The following RYR2 variants were observed in gnomAD, a reference collection of about 807,000 sequenced individuals.
RYR2 encodes the protein ryanodine receptor 2.
RYR2 carries 227 observed loss-of-function variants against 601.1 expected under a neutral mutation model. The observed-to-expected ratio is 0.38, with a 90% CI of 0.34 to 0.42. The LOEUF is 0.42. RYR2 is among the 10% of genes least tolerant of loss of function. The pLI is 1.00. For synonymous variants in RYR2, 2,223 were observed against 2,175.1 expected (o/e 1.02, Z -0.61); for missense variants, 4,646 against 6,156.5 (o/e 0.75, Z 8.21).
chr1:237,427,964 A>G (rs958023726), intron 12 of RYR2, among the ~76,000 whole-genome samples: 4 of 152,150 alleles, frequency 2.6e-5, no homozygotes, highest in Non-Finnish European at 5.9e-5. Flanking sequence ...ACACTTTTCA[A>G]AAGAAGATAT....
In RYR2 at chr1:237,450,817, G is replaced by A. The variant is rs189066368; in HGVS notation, c.1293-3574G>A. On this transcript the variant is annotated intron_variant, in intron 14 of 104. Transcript: ENST00000366574. ...TCTCTCCCTTGTGATCACCTGAGAA[G>A]TGCCATGGATAAACACAATTAACCT... Among the ~76,000 whole-genome samples the A allele has an allele frequency of 8.2e-4, 125 of 152,256 alleles. 1 individual carries two copies. Among genetic ancestry groups the A allele is most frequent in the African/African-American group, 2.7e-3 (112 of 41,560 alleles).
At chr1:237,469,522 A>T (rs1660479226) in intron 17 of RYR2, among the ~76,000 whole-genome samples, 1 of 152,168 alleles carries the variant, frequency 6.6e-6, no homozygotes, top group African/African-American at 2.4e-5. Context: ...AAAAATCATT[A>T]GTATTTTCAT....
chr1:237,050,666 T>C (rs991729281), intron 1 of RYR2, among the ~76,000 whole-genome samples: 2 of 152,226 alleles, frequency 1.3e-5, no homozygotes, highest in Non-Finnish European at 2.9e-5. Context: ...ATTTCACTCA[T>C]ATTTAATGCA....
chr1:237,457,914 C>T (rs1659028410), intron 16 of RYR2, among the ~76,000 whole-genome samples: 1 of 152,144 alleles, frequency 6.6e-6, no homozygotes, highest in African/African-American at 2.4e-5. Context: ...CTATATCATT[C>T]TAGAAGATAA....
intron 62 of RYR2, among the ~76,000 whole-genome samples, chr1:237,681,149 C>T (rs1685844423): frequency 6.6e-6 from 1 of 152,150 alleles, no homozygotes; most frequent in African/African-American, 2.4e-5. Context: ...CAAACTTCTG[C>T]TAGAATTTAA....
intron 29 of RYR2, among the ~76,000 whole-genome samples, chr1:237,578,323 G>C (rs1268319761): frequency 6.6e-6 from 1 of 152,166 alleles, no homozygotes; most frequent in Non-Finnish European, 1.5e-5. Flanking sequence ...CTCAGGTACA[G>C]GTCATAGTAG....
At chr1:237,299,576 A>T (rs1010809653) in intron 2 of RYR2, among the ~76,000 whole-genome samples, 1 of 152,126 alleles carries the variant, frequency 6.6e-6, no homozygotes, top group African/African-American at 2.4e-5. Flanking sequence ...TGCTTTTCCC[A>T]CATCCATTAG....
chr1:237,826,416 C>G (rs927537379), intron 101 of RYR2, among the ~76,000 whole-genome samples: 2 of 152,126 alleles, frequency 1.3e-5, no homozygotes, highest in African/African-American at 4.8e-5. Context: ...AACACAAGAA[C>G]AGAAAACCAA....
intron 43 of RYR2, 112 bp downstream of exon 43, chr1:237,633,822 AAAG>A: frequency 9.4e-7 from 1 of 1,058,388 alleles, no homozygotes; most frequent in Non-Finnish European, 1.3e-6. Flanking sequence ...ACATTTCACA[AAAG>A]AAGACAGATA....
chr1:237,178,455 TG>T (rs2148939261), intron 1 of RYR2, among the ~76,000 whole-genome samples: 1 of 149,160 alleles, frequency 6.7e-6, no homozygotes, highest in South Asian at 2.1e-4. Context: ...TGTGTGTGTG[TG>T]TGTGTGTGTG....
At chr1:237,077,781 A>G (rs1665166018) in intron 1 of RYR2, among the ~76,000 whole-genome samples, 1 of 152,254 alleles carries the variant, frequency 6.6e-6, no homozygotes, top group African/African-American at 2.4e-5. Context: ...CGGACCTAAT[A>G]GACATCTACA....
At chr1:237,205,449 C>T (rs1681704349) in intron 1 of RYR2, among the ~76,000 whole-genome samples, 2 of 152,140 alleles carry the variant, frequency 1.3e-5, no homozygotes, top group Non-Finnish European at 2.9e-5. Flanking sequence ...ATATGGATGC[C>T]ATGGGGGATC....
intron 63 of RYR2, among the ~76,000 whole-genome samples, chr1:237,698,286 C>A (rs535447573): frequency 6.6e-6 from 1 of 152,146 alleles, no homozygotes; most frequent in African/African-American, 2.4e-5. Context: ...ACTCATATTT[C>A]TGTACTTCCT....
At chr1:237,044,740 C>G (rs545484691) in intron 1 of RYR2, among the ~76,000 whole-genome samples, 2 of 151,652 alleles carry the variant, frequency 1.3e-5, no homozygotes, top group East Asian at 1.9e-4. Context: ...AATCCTTTAC[C>G]GGCTTCTCCA....
At chr1:237,669,697 C>A (rs546137146) in intron 58 of RYR2, among the ~76,000 whole-genome samples, 26 of 150,346 alleles carry the variant, frequency 1.7e-4, no homozygotes, top group Non-Finnish European at 3.1e-4. Flanking sequence ...GATGGGCGGC[C>A]GGGCAGAGAC....
intron 36 of RYR2, among the ~76,000 whole-genome samples, chr1:237,613,100 A>C (rs1678065282): frequency 6.6e-6 from 1 of 152,260 alleles, no homozygotes; most frequent in African/African-American, 2.4e-5. Flanking sequence ...TTCAAAATCC[A>C]AATTCCAAAA....
intron 33 of RYR2, among the ~76,000 whole-genome samples, chr1:237,594,010 G>A (rs1314764622): frequency 6.6e-6 from 1 of 152,206 alleles, no homozygotes; most frequent in Non-Finnish European, 1.5e-5. Context: ...ATGTGGTGGG[G>A]AGAAAACTGT....
At chr1:237,677,435 T>A (rs1020267003) in intron 60 of RYR2, among the ~76,000 whole-genome samples, 2 of 152,186 alleles carry the variant, frequency 1.3e-5, no homozygotes, top group African/African-American at 4.8e-5. Flanking sequence ...CTTGGGTGTT[T>A]TTGCTTCACT....
rs141873907 is a variant in RYR2, at chr1:237,500,669, TA to T, written c.2204-35del. ...TGGCTCTGAAGCTGATTCTCTGAGA[TA>T]AAAAAATACATGACCTTCCTTAATG... On this transcript the variant is annotated intron_variant, in intron 20 of 104. Coordinates refer to ENST00000366574, the MANE Select transcript of RYR2 (RefSeq NM_001035.3). 2.4e-3 allele frequency: 3,577 copies of T among 1,511,256 alleles called. 64 individuals are homozygous for T. The African/African-American group carries it at 0.033, about 14-fold the overall frequency. 93.6% of individuals were successfully genotyped at this position (1,511,256 alleles called of 1,614,324 possible).
Sources: allele counts gnomAD v4.1 joint callset (sites outside exome capture counted in the v4.1 genomes callset), GRCh38; gene constraint gnomAD v4.1.1; transcripts MANE v1.5; gene names NCBI Gene and HGNC (gene_info 2026-07-23, HGNC 2026-07-21).